Variants in SPAG16 observed in about 807,000 individuals in gnomAD.
The protein encoded by SPAG16 is sperm associated antigen 16, also known as sperm-associated antigen 16 protein.
SPAG16 carries 86 observed loss-of-function variants against 80.4 expected under a neutral mutation model. The ratio of observed to expected loss-of-function variants is 1.07; its 90% confidence interval spans 0.90 to 1.28. The LOEUF (loss-of-function observed/expected upper bound fraction) is 1.28, where lower values mean the gene tolerates loss of function less well. SPAG16 is among the 50% of genes most tolerant of loss of function. The pLI, the probability that SPAG16 is intolerant of heterozygous loss-of-function variation, is 0.00. For synonymous variants in SPAG16, 294 were observed against 265.9 expected, an observed-to-expected ratio of 1.11 and a Z score of -1.03; for missense variants, 870 against 765.3, an observed-to-expected ratio of 1.14 and a Z score of -1.61.
chr2:213,607,888 C>T (rs1261161297), intron 10 of SPAG16, among the ~76,000 whole-genome samples: 1 of 152,166 alleles, frequency 6.6e-6, no homozygotes, highest in East Asian at 1.9e-4. Flanking sequence ...AATTTCCCTT[C>T]CATTAAGGCT....
intron 10 of SPAG16, among the ~76,000 whole-genome samples, chr2:213,636,410 T>C (rs2062363573): frequency 6.6e-6 from 1 of 152,148 alleles, no homozygotes; most frequent in African/African-American, 2.4e-5. Context: ...TGCTTTTTGA[T>C]TAGTCTTGTT....
chr2:214,373,913 T>C (rs950785456), intron 15 of SPAG16, among the ~76,000 whole-genome samples: 3 of 152,212 alleles, frequency 2.0e-5, no homozygotes, highest in Non-Finnish European at 4.4e-5. Context: ...GCGCACACTA[T>C]GTGCACAAAA....
intron 10 of SPAG16, among the ~76,000 whole-genome samples, chr2:213,713,112 C>G (rs1046610691): frequency 7.9e-5 from 12 of 152,084 alleles, no homozygotes; most frequent in Non-Finnish European, 1.6e-4. Context: ...TCACTCACTA[C>G]CATGAGAACA....
At chr2:213,659,869 C>T (rs1165805300) in intron 10 of SPAG16, among the ~76,000 whole-genome samples, 1 of 152,048 alleles carries the variant, frequency 6.6e-6, no homozygotes, top group African/African-American at 2.4e-5. Flanking sequence ...TATTTATATA[C>T]ATCTGTATAT....
At chr2:213,719,426 G>A (rs949098104) in intron 10 of SPAG16, among the ~76,000 whole-genome samples, 8 of 152,112 alleles carry the variant, frequency 5.3e-5, no homozygotes, top group African/African-American at 1.2e-4. Context: ...CCTGTGTGTC[G>A]AATCTCTGTA....
chr2:214,075,191 G>A (rs1559761838), intron 13 of SPAG16, among the ~76,000 whole-genome samples: 1 of 150,366 alleles, frequency 6.7e-6, no homozygotes. Context: ...AGTTCATAAT[G>A]GCGTTAGTGA....
At chr2:214,003,829 T>A (rs2046905911) in intron 12 of SPAG16, among the ~76,000 whole-genome samples, 2 of 152,194 alleles carry the variant, frequency 1.3e-5, no homozygotes, top group African/African-American at 4.8e-5. Flanking sequence ...TACTGACAAA[T>A]GTACGTTCTC....
intron 15 of SPAG16, among the ~76,000 whole-genome samples, chr2:214,388,542 T>C (rs1426634186): frequency 3.3e-5 from 5 of 152,196 alleles, no homozygotes; most frequent in African/African-American, 7.2e-5. Context: ...ACCAAATTAT[T>C]AAAATCACCT....
chr2:213,775,471 TAAC>T (rs2069514621), intron 10 of SPAG16, among the ~76,000 whole-genome samples: 1 of 152,222 alleles, frequency 6.6e-6, no homozygotes, highest in African/African-American at 2.4e-5. Context: ...TATTTTGTGA[TAAC>T]AACACTTAAC....
chr2:213,358,721 G>A (rs937467783), intron 7 of SPAG16, among the ~76,000 whole-genome samples: 2 of 152,136 alleles, frequency 1.3e-5, no homozygotes, highest in Non-Finnish European at 2.9e-5. Flanking sequence ...TTAGCTTGGA[G>A]AAGTTTGTTA....
intron 13 of SPAG16, among the ~76,000 whole-genome samples, chr2:214,094,207 G>C (rs765222163): frequency 6.6e-6 from 1 of 152,072 alleles, no homozygotes; most frequent in Non-Finnish European, 1.5e-5. Flanking sequence ...CTACAAATGA[G>C]AGTGTTTTAT....
intron 10 of SPAG16, among the ~76,000 whole-genome samples, chr2:213,718,327 G>T (rs2066337445): frequency 6.6e-6 from 1 of 151,940 alleles, no homozygotes; most frequent in South Asian, 2.1e-4. Flanking sequence ...ACAGCATGCT[G>T]GCAGTCCTCA....
At chr2:214,086,108 C>A (rs10490490) in intron 13 of SPAG16, among the ~76,000 whole-genome samples, 13,266 of 152,158 alleles carry the variant, frequency 0.087, 753 homozygotes, top group East Asian at 0.28. Flanking sequence ...AAAAATTTAT[C>A]TGATGCAGCC....
At chr2:213,702,139 G>A (rs1026352678) in intron 10 of SPAG16, among the ~76,000 whole-genome samples, 5 of 152,162 alleles carry the variant, frequency 3.3e-5, no homozygotes, top group Admixed American at 2.0e-4. Context: ...CTTAGGGATC[G>A]TAAACACTCC....
intron 13 of SPAG16, among the ~76,000 whole-genome samples, chr2:214,037,653 T>C (rs1275388633): frequency 2.0e-5 from 3 of 152,106 alleles, no homozygotes; most frequent in Admixed American, 1.3e-4. Flanking sequence ...CTGTGTCTTT[T>C]TGATTCTCCT....
rs1170469518 is a variant in SPAG16, at chr2:214,357,244, T to A, written c.1721-52896T>A. On this transcript the variant is annotated intron_variant, in intron 15 of 15. Coordinates refer to ENST00000331683, the MANE Select transcript of SPAG16 (RefSeq NM_024532.5). ...TACATTTATTATTAAGATTGGTGCT[T>A]TTTATCAAAAGCACCAATGGATTAT... 1.3e-5 allele frequency among the ~76,000 whole-genome samples: 2 copies of A among 151,958 alleles called. 1 individual carries two copies.
chr2:213,598,040 A>T (rs1051301908), intron 10 of SPAG16, among the ~76,000 whole-genome samples: 1 of 152,142 alleles, frequency 6.6e-6, no homozygotes, highest in African/African-American at 2.4e-5. Flanking sequence ...CACCTTTGCT[A>T]GCCAGGCTTC....
At chr2:214,018,994 A>T (rs1435398112) in intron 13 of SPAG16, among the ~76,000 whole-genome samples, 2 of 152,170 alleles carry the variant, frequency 1.3e-5, no homozygotes, top group Non-Finnish European at 2.9e-5. Context: ...TACCAAATGG[A>T]GGCTACAAAA....
chr2:213,819,067 T>C (rs1377222573), intron 10 of SPAG16, among the ~76,000 whole-genome samples: 1 of 152,248 alleles, frequency 6.6e-6, no homozygotes, highest in Non-Finnish European at 1.5e-5. Context: ...ATACTAGTTA[T>C]GACTTTTATT....
Sources: allele counts gnomAD v4.1 joint callset (sites outside exome capture counted in the v4.1 genomes callset), GRCh38; gene constraint gnomAD v4.1.1; transcripts MANE v1.5; gene names NCBI Gene and HGNC (gene_info 2026-07-23, HGNC 2026-07-21).